Variants in TMEM117 observed in about 807,000 individuals in gnomAD.
The protein encoded by TMEM117 is transmembrane protein 117.
Under a neutral mutation model 52.4 loss-of-function variants are expected in TMEM117, and 27 were observed. The observed-to-expected ratio is 0.51, with a 90% CI of 0.38 to 0.71. TMEM117 has a LOEUF of 0.71. Ranked by LOEUF, TMEM117 falls within the 30% of genes least tolerant of loss-of-function variation. The pLI, the probability that TMEM117 is intolerant of heterozygous loss-of-function variation, is 0.00. For synonymous variants in TMEM117, 215 were observed against 206.3 expected, an observed-to-expected ratio of 1.04 and a Z score of -0.36; for missense variants, 556 against 630.5, an observed-to-expected ratio of 0.88 and a Z score of 1.26.
At chr12:44,280,272 A>G (rs1950562004) in intron 5 of TMEM117, among the ~76,000 whole-genome samples, 1 of 152,122 alleles carries the variant, frequency 6.6e-6, no homozygotes, top group Non-Finnish European at 1.5e-5. Context: ...GCAAAACCAA[A>G]TTCATATTTC....
chr12:44,192,700 A>G (rs1304439699), intron 4 of TMEM117, among the ~76,000 whole-genome samples: 3 of 152,230 alleles, frequency 2.0e-5, no homozygotes, highest in Non-Finnish European at 1.5e-5. Flanking sequence ...TTAGTGAAAT[A>G]CACACAGAAT....
chr12:43,953,254 A>G (rs944088649), intron 3 of TMEM117, among the ~76,000 whole-genome samples: 1 of 152,166 alleles, frequency 6.6e-6, no homozygotes, highest in African/African-American at 2.4e-5. Context: ...AGTCTGCAAA[A>G]TTAACCAGCC....
chr12:44,300,551 G>A (rs1171658785), intron 6 of TMEM117, among the ~76,000 whole-genome samples: 1 of 152,220 alleles, frequency 6.6e-6, no homozygotes, highest in Non-Finnish European at 1.5e-5. Flanking sequence ...CAGGATAGCA[G>A]ATTGGTTTTC....
At chr12:43,921,703 T>G (rs1944697133) in intron 2 of TMEM117, among the ~76,000 whole-genome samples, 1 of 152,218 alleles carries the variant, frequency 6.6e-6, no homozygotes, top group South Asian at 2.1e-4. Context: ...ACCTTTTCGT[T>G]TCTATGTATC....
intron 5 of TMEM117, among the ~76,000 whole-genome samples, chr12:44,275,185 G>A (rs1441587734): frequency 1.3e-5 from 2 of 152,124 alleles, no homozygotes; most frequent in East Asian, 3.8e-4. Context: ...TGGCAAACAG[G>A]CAGATGAAAA....
chr12:43,917,637 A>G (rs1227206911), intron 2 of TMEM117, among the ~76,000 whole-genome samples: 1 of 152,098 alleles, frequency 6.6e-6, no homozygotes, highest in Non-Finnish European at 1.5e-5. Context: ...TTTAGCTTTT[A>G]GTAACATTTA....
chr12:44,102,526 A>G (rs1314475643), intron 3 of TMEM117, among the ~76,000 whole-genome samples: 2 of 150,754 alleles, frequency 1.3e-5, no homozygotes, highest in Non-Finnish European at 3.0e-5. Flanking sequence ...CTGTAATACT[A>G]TTTCTCCCTC....
chr12:43,941,112 A>G (rs559473083), intron 2 of TMEM117, among the ~76,000 whole-genome samples: 6 of 152,320 alleles, frequency 3.9e-5, no homozygotes, highest in African/African-American at 1.4e-4. Flanking sequence ...GTAACAGTCT[A>G]TATACTCCAA....
intron 6 of TMEM117, among the ~76,000 whole-genome samples, chr12:44,360,427 T>C (rs1265636703): frequency 1.3e-5 from 2 of 151,716 alleles, no homozygotes; most frequent in Non-Finnish European, 2.9e-5. Flanking sequence ...ATACAAAAAT[T>C]AGCCGGGTGT....
chr12:44,219,229 A>G (rs1592616271), intron 5 of TMEM117, among the ~76,000 whole-genome samples: 2 of 152,220 alleles, frequency 1.3e-5, no homozygotes, highest in African/African-American at 4.8e-5. Flanking sequence ...TTTCTGTGGC[A>G]GTGAGCACCC....
At chr12:44,062,040 A>G (rs1370849488) in intron 3 of TMEM117, among the ~76,000 whole-genome samples, 3 of 152,186 alleles carry the variant, frequency 2.0e-5, no homozygotes, top group African/African-American at 4.8e-5. Context: ...TGCCTAGATC[A>G]ACTTCATTAT....
rs968421798 is a variant in TMEM117, at chr12:43,971,884, C to T, written c.410+27542C>T. ...CATCTTGAATAACGAAAACCTTATA[C>T]TCATTGATTAGTAACTTCTCAGTTC... On this transcript the variant is annotated intron_variant, in intron 3 of 7. Coordinates refer to ENST00000266534, the MANE Select transcript of TMEM117 (RefSeq NM_032256.3). 3.3e-5 allele frequency among the ~76,000 whole-genome samples: 5 copies of T among 152,200 alleles called. No individual in the cohort carries two copies. In the East Asian group the frequency reaches 7.7e-4, roughly 23 times the overall value.
intron 2 of TMEM117, among the ~76,000 whole-genome samples, chr12:43,915,226 G>T (rs1003549122): frequency 1.3e-5 from 2 of 152,060 alleles, no homozygotes; most frequent in Non-Finnish European, 2.9e-5. Flanking sequence ...TACCAAAGGC[G>T]CTCCACACTT....
intron 4 of TMEM117, among the ~76,000 whole-genome samples, chr12:44,156,053 A>C (rs908086987): frequency 2.0e-5 from 3 of 152,090 alleles, no homozygotes; most frequent in African/African-American, 7.2e-5. Flanking sequence ...GAACAACCGG[A>C]ATCTTTGTAC....
At chr12:44,215,102 GA>G (rs928104102) in intron 5 of TMEM117, among the ~76,000 whole-genome samples, 12 of 151,888 alleles carry the variant, frequency 7.9e-5, no homozygotes, top group African/African-American at 1.5e-4. Flanking sequence ...CGATTAGTGT[GA>G]AAAAAAATGT....
chr12:43,875,248 TGTGA>T (rs1489171154), intron 2 of TMEM117, among the ~76,000 whole-genome samples: 1 of 137,136 alleles, frequency 7.3e-6, no homozygotes, highest in Non-Finnish European at 1.6e-5. Flanking sequence ...TGTGTGTGTG[TGTGA>T]GAAAAGAGTC....
intron 2 of TMEM117, among the ~76,000 whole-genome samples, chr12:43,912,786 A>G (rs1055486593): frequency 1.9e-4 from 29 of 151,982 alleles, no homozygotes; most frequent in African/African-American, 5.3e-4. Context: ...CATGTACCCC[A>G]AGAAAATTAG....
At chr12:44,327,392 C>T (rs925212051) in intron 6 of TMEM117, among the ~76,000 whole-genome samples, 5 of 152,070 alleles carry the variant, frequency 3.3e-5, no homozygotes, top group Admixed American at 2.0e-4. Context: ...TGTTTGGAAT[C>T]GAAATGCATA....
At chr12:43,967,884 C>T (rs1032142014) in intron 3 of TMEM117, among the ~76,000 whole-genome samples, 3 of 152,210 alleles carry the variant, frequency 2.0e-5, no homozygotes, top group Admixed American at 6.5e-5. Context: ...CAGAAACATG[C>T]GTGTGCGTGT....
Sources: allele counts gnomAD v4.1 joint callset (sites outside exome capture counted in the v4.1 genomes callset), GRCh38; gene constraint gnomAD v4.1.1; transcripts MANE v1.5; gene names NCBI Gene and HGNC (gene_info 2026-07-23, HGNC 2026-07-21).